Variants in XRCC4 observed in about 807,000 individuals in gnomAD.
The protein encoded by XRCC4 is DNA repair protein XRCC4.
Under a neutral mutation model 39.1 loss-of-function variants are expected in XRCC4, and 28 were observed. The ratio of observed to expected loss-of-function variants is 0.72; its 90% CI spans 0.53 to 0.98. The LOEUF is 0.98. XRCC4 is among the 50% of genes least tolerant of loss of function. The pLI is 0.00. For missense variants in XRCC4, 350 were observed against 376.4 expected (o/e 0.93, Z 0.58); for synonymous variants, 123 against 126.4 (o/e 0.97, Z 0.18).
At chr5:83,303,212 CAAAA>C (rs760220069) in intron 7 of XRCC4, among the ~76,000 whole-genome samples, 6 of 62,868 alleles carry the variant, frequency 9.5e-5, no homozygotes, top group African/African-American at 1.8e-4. Flanking sequence ...GACTCCGTCT[CAAAA>C]AAAAAAAAAA....
intron 2 of XRCC4, among the ~76,000 whole-genome samples, chr5:83,109,883 T>A (rs950582049): frequency 2.6e-5 from 4 of 151,834 alleles, no homozygotes; most frequent in Admixed American, 2.6e-4. Flanking sequence ...AATAATCTTT[T>A]AAAAAAACTA....
intron 7 of XRCC4, among the ~76,000 whole-genome samples, chr5:83,311,904 T>G (rs1317699306): frequency 1.3e-5 from 2 of 152,144 alleles, no homozygotes; most frequent in African/African-American, 4.8e-5. Context: ...TATAAAAGAT[T>G]CATAAATATG....
rs544204219 is a variant in XRCC4 at position 83,281,656 on chromosome 5, T to C, written c.893+22979T>C. 7.2e-5 allele frequency among the ~76,000 whole-genome samples: 11 copies of C among 152,308 alleles called. No individual in the cohort carries two copies. In the East Asian group the frequency reaches 2.1e-3, roughly 29 times the overall value. On this transcript the variant is annotated intron_variant, in intron 7 of 7. Transcript: ENST00000396027. ...ATTCACTCTTAAATTTACTACAGTT[T>C]CCACCCACAAAGTTTTACCCCCTTA... is the stretch of plus-strand genomic sequence containing the variant.
At chr5:83,286,921 C>G (rs1212138135) in intron 7 of XRCC4, among the ~76,000 whole-genome samples, 1 of 151,950 alleles carries the variant, frequency 6.6e-6, no homozygotes, top group Non-Finnish European at 1.5e-5. Flanking sequence ...ACAATGTGAA[C>G]GAGGTAGAGT....
At chr5:83,310,719 A>C (rs1755677418) in intron 7 of XRCC4, 2 of 449,184 alleles carry the variant, frequency 4.5e-6, no homozygotes, top group Admixed American at 4.9e-5. Context: ...TAAATTAAGT[A>C]TCTGAGATGC....
intron 1 of XRCC4, among the ~76,000 whole-genome samples, chr5:83,083,356 T>C (rs1189675284): frequency 6.6e-6 from 1 of 150,800 alleles, no homozygotes; most frequent in Non-Finnish European, 1.5e-5. Flanking sequence ...ACTGACTTGA[T>C]TGGGTGTTTG....
the XRCC4 span, among the ~76,000 whole-genome samples, chr5:83,373,123 T>G: frequency 1.3e-5 from 2 of 151,910 alleles, no homozygotes; most frequent in Non-Finnish European, 2.9e-5. Flanking sequence ...TCACCTTCCT[T>G]CCACTTGCCT....
intron 3 of XRCC4, among the ~76,000 whole-genome samples, chr5:83,191,590 C>T (rs1750696780): frequency 6.6e-6 from 1 of 152,178 alleles, no homozygotes; most frequent in Non-Finnish European, 1.5e-5. Flanking sequence ...ATCCCAGCTA[C>T]TCAGGAGGCT....
chr5:83,094,297 C>T (rs1261481642), intron 1 of XRCC4, among the ~76,000 whole-genome samples: 2 of 139,732 alleles, frequency 1.4e-5, no homozygotes, highest in East Asian at 2.2e-4. Context: ...CCTCCTTTCC[C>T]GTTCCCTCCC....
chr5:83,298,403 A>C (rs1402844963), intron 7 of XRCC4, among the ~76,000 whole-genome samples: 1 of 151,940 alleles, frequency 6.6e-6, no homozygotes, highest in Non-Finnish European at 1.5e-5. Context: ...ATAGTTGTCA[A>C]TCTAAGGCTG....
Position 83,109,257 on chromosome 5 carries a change from G to T in XRCC4, c.140-1771G>T, listed in dbSNP as rs1430519826. Among the ~76,000 whole-genome samples the T allele has an allele frequency of 2.6e-5, 4 of 151,692 alleles. No homozygotes were observed. In the East Asian group the frequency reaches 5.8e-4, roughly 22 times the overall value. On this transcript the variant is annotated intron_variant, in intron 2 of 7. Coordinates refer to ENST00000396027, the MANE Select transcript of XRCC4 (RefSeq NM_003401.5). ...ACTAATGTTGTTTTTCAAAATTATG[G>T]ATGGAAATAATTTATCCAATGTTTC...
At chr5:83,213,004 A>G (rs1436533611) in intron 6 of XRCC4, among the ~76,000 whole-genome samples, 2 of 151,762 alleles carry the variant, frequency 1.3e-5, no homozygotes, top group Non-Finnish European at 2.9e-5. Context: ...AAAACATTTG[A>G]AATCCATAGA....
intron 6 of XRCC4, among the ~76,000 whole-genome samples, chr5:83,239,403 TC>T (rs1752815701): frequency 6.6e-6 from 1 of 152,212 alleles, no homozygotes; most frequent in Admixed American, 6.5e-5. Flanking sequence ...GAAATGACTC[TC>T]CGTCTGTGAT....
At chr5:83,249,393 G>C (rs1753228061) in intron 6 of XRCC4, among the ~76,000 whole-genome samples, 2 of 151,938 alleles carry the variant, frequency 1.3e-5, no homozygotes, top group African/African-American at 4.8e-5. Context: ...TCTCTTTTTT[G>C]AAAATCATTT....
chr5:83,121,784 CA>C, intron 3 of XRCC4, among the ~76,000 whole-genome samples: 1 of 152,160 alleles, frequency 6.6e-6, no homozygotes, highest in East Asian at 1.9e-4. Flanking sequence ...TAACTTGTTG[CA>C]GACTTACGCT....
chr5:83,235,359 A>AAAGGAAAAAAAAAAGAAAGG (rs1752649506), intron 6 of XRCC4, among the ~76,000 whole-genome samples: 1 of 149,966 alleles, frequency 6.7e-6, no homozygotes, highest in Admixed American at 6.7e-5. Flanking sequence ...AAAAAGAAAG[A>AAAGGAAAAAAAAAAGAAAGG]AAGGAAAAAA....
At chr5:83,211,598 A>C (rs559631693) in intron 6 of XRCC4, among the ~76,000 whole-genome samples, 11 of 152,304 alleles carry the variant, frequency 7.2e-5, no homozygotes, top group Admixed American at 2.0e-4. Flanking sequence ...CTAGACTTTC[A>C]ACATACTCCT....
At chr5:83,361,927 T>C in the XRCC4 span, among the ~76,000 whole-genome samples, 1 of 152,150 alleles carries the variant, frequency 6.6e-6, no homozygotes, top group Admixed American at 6.6e-5. Flanking sequence ...TGCCATGTTA[T>C]CTATTCCTTC....
the XRCC4 span, among the ~76,000 whole-genome samples, chr5:83,374,290 C>T: frequency 5.9e-5 from 9 of 152,168 alleles, no homozygotes; most frequent in Admixed American, 3.3e-4. Context: ...ATACTGTTCT[C>T]ATGGTAGTGA....
Sources: allele counts gnomAD v4.1 joint callset (sites outside exome capture counted in the v4.1 genomes callset), GRCh38; gene constraint gnomAD v4.1.1; transcripts MANE v1.5; gene names NCBI Gene and HGNC (gene_info 2026-07-23, HGNC 2026-07-21).